The following BICDL1 variants were observed in gnomAD, a reference collection of about 807,000 sequenced individuals.
BICDL1 encodes the protein BICD family like cargo adaptor 1.
BICDL1 carries 20 observed loss-of-function variants against 76.8 expected under a neutral mutation model. That is an observed-to-expected ratio of 0.26 (90% CI 0.18 to 0.38). The LOEUF (loss-of-function observed/expected upper bound fraction) is 0.38. BICDL1 is among the 10% of genes least tolerant of loss of function. BICDL1 has a pLI of 1.00. For synonymous variants in BICDL1, 383 were observed against 337.1 expected, an observed-to-expected ratio of 1.14 and a Z score of -1.49; for missense variants, 700 against 798.6, an observed-to-expected ratio of 0.88 and a Z score of 1.49.
At chr12:120,055,352 A>G (rs1418436369) in intron 2 of BICDL1, among the ~76,000 whole-genome samples, 1 of 152,236 alleles carries the variant, frequency 6.6e-6, no homozygotes, top group Non-Finnish European at 1.5e-5. Flanking sequence ...GGCAAGTTTA[A>G]ACAAGCTTAA....
At chr12:120,002,606 G>A (rs1951779636) in intron 2 of BICDL1, among the ~76,000 whole-genome samples, 1 of 152,046 alleles carries the variant, frequency 6.6e-6, no homozygotes, top group Non-Finnish European at 1.5e-5. Context: ...AGACTAACCT[G>A]CATTCTATTC....
rs1163254728 is a variant in BICDL1 at position 119,989,248 on chromosome 12, GC to G, written c.-619del. On this transcript the variant is annotated 5_prime_UTR_variant, in exon 1 of 10. Coordinates refer to ENST00000548673, the MANE Select transcript of BICDL1 (RefSeq NM_001367886.1). ...AGCCGGGGAAGGCAGGAAGGAGCTC[GC>G]CGGGTTGCGCGGCGCGCGATGTGGA... 6.7e-6 allele frequency among the ~76,000 whole-genome samples: 1 copy of G among 150,096 alleles called. No individual in the cohort carries two copies. The highest frequency in any genetic ancestry group is 6.6e-5 in the Admixed American group (1 of 15,120).
rs961656664 is a variant in BICDL1 at position 119,989,264 on chromosome 12, C to G, written c.-605C>G. On this transcript the variant is annotated 5_prime_UTR_variant, in exon 1 of 10. Transcript: ENST00000548673. ...AAGGAGCTCGCCGGGTTGCGCGGCG[C>G]GCGATGTGGAGCCGCCGCCTCGGCC... 6.7e-6 allele frequency among the ~76,000 whole-genome samples: 1 copy of G among 150,050 alleles called. No individual in the cohort carries two copies. The highest frequency in any genetic ancestry group is 2.1e-4 in the South Asian group (1 of 4,820).
At chr12:120,060,919 C>A (rs1216024136) in intron 2 of BICDL1, among the ~76,000 whole-genome samples, 3 of 152,120 alleles carry the variant, frequency 2.0e-5, no homozygotes, top group Non-Finnish European at 4.4e-5. Flanking sequence ...GCTTACTGAC[C>A]CCATTTGGCC....
chr12:120,073,194 A>AC (rs1873248008), intron 6 of BICDL1, among the ~76,000 whole-genome samples: 1 of 152,162 alleles, frequency 6.6e-6, no homozygotes, highest in Admixed American at 6.6e-5. Flanking sequence ...ATTTGAGAAC[A>AC]CCAACTACTG....
chr12:120,084,779 A>G (rs1874266055), intron 8 of BICDL1, among the ~76,000 whole-genome samples: 1 of 151,646 alleles, frequency 6.6e-6, no homozygotes, highest in South Asian at 2.1e-4. Flanking sequence ...AATCCCAGCT[A>G]CTCAGGAGGC....
At chr12:120,081,715 A>AT (rs34892569) in intron 8 of BICDL1, among the ~76,000 whole-genome samples, 1 of 149,292 alleles carries the variant, frequency 6.7e-6, no homozygotes, top group South Asian at 2.1e-4. Context: ...GTTTGTTTCT[A>AT]TTTTTTTATT....
intron 9 of BICDL1, chr12:120,092,432 G>A (rs879868282): frequency 3.0e-6 from 3 of 985,484 alleles, no homozygotes; most frequent in Non-Finnish European, 3.6e-6. Flanking sequence ...CAGCAGCAGG[G>A]TCTAGGGCAG....
intron 2 of BICDL1, among the ~76,000 whole-genome samples, chr12:120,050,769 G>A (rs909118784): frequency 6.6e-6 from 1 of 152,098 alleles, no homozygotes; most frequent in Non-Finnish European, 1.5e-5. Flanking sequence ...AGCCTCCCAA[G>A]TAGCTGGGAT....
At chr12:120,090,231 A>T in intron 9 of BICDL1, 160 bp downstream of exon 9, 1 of 790,504 alleles carries the variant, frequency 1.3e-6, no homozygotes, top group Non-Finnish European at 1.9e-6. Context: ...CATGTCCCCT[A>T]GTCCTTGGGG....
intron 3 of BICDL1, among the ~76,000 whole-genome samples, chr12:120,064,271 G>A (rs988153728): frequency 2.0e-5 from 3 of 152,152 alleles, no homozygotes; most frequent in Non-Finnish European, 4.4e-5. Flanking sequence ...GGAAGACGGA[G>A]GGGAATCCCG....
intron 2 of BICDL1, 82 bp from the exon 3 acceptor site, chr12:120,061,628 G>T (rs1353183148): frequency 2.1e-6 from 2 of 932,776 alleles, no homozygotes; most frequent in Non-Finnish European, 3.5e-6. Context: ...GCAAAGAGAT[G>T]CTTGATAAAT....
intron 2 of BICDL1, among the ~76,000 whole-genome samples, chr12:120,028,630 C>T (rs1037273651): frequency 2.0e-5 from 3 of 152,054 alleles, no homozygotes; most frequent in Admixed American, 6.6e-5. Flanking sequence ...GAGATGAGAT[C>T]GCCCACTGCA....
chr12:120,064,799 G>T lies in BICDL1; in HGVS notation c.829G>T (p.Asp277Tyr), dbSNP rs747149096. 1.7e-5 allele frequency: 28 copies of T among 1,613,746 alleles called. No homozygotes were observed. Among genetic ancestry groups the T allele is most frequent in the Non-Finnish European group, 2.3e-5 (27 of 1,179,918 alleles). The change falls in exon 4 of 10, where the codon GAC (aspartate) becomes TAC (tyrosine). Residue 277 changes from aspartate to tyrosine, a missense_variant. This residue lies in a region of BICDL1 where 455 missense variants were observed against 548.7 expected (regional missense o/e 0.83). Transcript: ENST00000548673. The part of the protein sequence containing the change: ...HRLSATLEEN[D>Y]LLQGTVEELQ... ...TCTCAGCGCTACTTTAGAGGAAAATGACCTGCTCCAAGGGACCGTGGAGGA... is the reference window on the plus strand; with the variant it reads ...TCTCAGCGCTACTTTAGAGGAAAATTACCTGCTCCAAGGGACCGTGGAGGA...
chr12:120,005,771 C>T (rs1951839592), intron 2 of BICDL1, among the ~76,000 whole-genome samples: 1 of 152,096 alleles, frequency 6.6e-6, no homozygotes, highest in Non-Finnish European at 1.5e-5. Context: ...ATATAGTATT[C>T]CATATAGCAC....
intron 9 of BICDL1, chr12:120,091,266 A>C (rs1019249987): frequency 9.0e-7 from 1 of 1,117,020 alleles, no homozygotes; most frequent in African/African-American, 1.6e-5. Flanking sequence ...CCATCCACTG[A>C]GGGACCAGCA....
chr12:120,035,903 C>A (rs980298507), intron 2 of BICDL1, among the ~76,000 whole-genome samples: 31 of 152,160 alleles, frequency 2.0e-4, no homozygotes, highest in Admixed American at 6.5e-5. Flanking sequence ...AGTATATGTT[C>A]ATAAATAATA....
intron 2 of BICDL1, among the ~76,000 whole-genome samples, chr12:120,033,340 G>A (rs76979129): frequency 0.012 from 1,755 of 140,682 alleles, 39 homozygotes; most frequent in African/African-American, 0.041. Context: ...AAGAAACTGG[G>A]CCAGTTTTCC....
intron 9 of BICDL1, chr12:120,091,049 G>A (rs1381589358): frequency 9.3e-6 from 12 of 1,288,416 alleles, no homozygotes; most frequent in South Asian, 3.7e-5. Flanking sequence ...CCCATCCACC[G>A]TCTCGCCCTG....
Sources: allele counts gnomAD v4.1 joint callset (sites outside exome capture counted in the v4.1 genomes callset), GRCh38; gene constraint gnomAD v4.1.1; regional missense constraint gnomAD v4.1.1; transcripts MANE v1.5; gene names NCBI Gene and HGNC (gene_info 2026-07-23, HGNC 2026-07-21).